The following ANKRD12 variants were observed in gnomAD, a reference collection of about 807,000 sequenced individuals.
ANKRD12 encodes ankyrin repeat domain-containing protein 12.
Under a neutral mutation model 183.4 loss-of-function variants are expected in ANKRD12, and 85 were observed. The observed-to-expected ratio is 0.46, with a 90% CI of 0.39 to 0.56. The LOEUF is 0.56. ANKRD12 is among the 20% of genes least tolerant of loss of function. The pLI, the probability that ANKRD12 is intolerant of heterozygous loss-of-function variation, is 0.00. For missense variants in ANKRD12, 2,405 were observed against 2,357.1 expected, an observed-to-expected ratio of 1.02 and a Z score of -0.42; for synonymous variants, 914 against 800.2, an observed-to-expected ratio of 1.14 and a Z score of -2.40.
chr18:9,149,876 A>G (rs1017531647), intron 1 of ANKRD12, among the ~76,000 whole-genome samples: 1 of 151,050 alleles, frequency 6.6e-6, no homozygotes, highest in Admixed American at 6.6e-5. Context: ...ACTCACTGCA[A>G]CCTCCACCTC....
chr18:9,167,729 T>C (rs554194625), intron 1 of ANKRD12, among the ~76,000 whole-genome samples: 25 of 152,298 alleles, frequency 1.6e-4, no homozygotes, highest in African/African-American at 5.8e-4. Flanking sequence ...TGCCTGATTG[T>C]CCTGGCCACA....
At chr18:9,259,576 C>G (rs2145248123) in intron 9 of ANKRD12, 1 of 152,148 alleles carries the variant, frequency 6.6e-6, no homozygotes, top group Non-Finnish European at 1.5e-5. Flanking sequence ...CGGGATATGT[C>G]TAGTTATATT....
intron 8 of ANKRD12, among the ~76,000 whole-genome samples, chr18:9,252,129 C>A (rs989105104): frequency 6.6e-6 from 1 of 152,170 alleles, no homozygotes; most frequent in African/African-American, 2.4e-5. Context: ...CTCACCATAG[C>A]AGTCATCTAC....
intron 2 of ANKRD12, among the ~76,000 whole-genome samples, chr18:9,190,742 G>T (rs545256247): frequency 6.6e-6 from 1 of 152,246 alleles, no homozygotes; most frequent in Admixed American, 6.5e-5. Context: ...GCAATCTTTA[G>T]CATATTTTAG....
intron 7 of ANKRD12, among the ~76,000 whole-genome samples, chr18:9,221,385 T>C (rs977040720): frequency 3.9e-5 from 6 of 152,246 alleles, no homozygotes; most frequent in Middle Eastern, 3.4e-3. Context: ...TCCTGGGCTA[T>C]GGGAAATGGA....
chr18:9,189,048 C>G (rs190124000), intron 2 of ANKRD12, among the ~76,000 whole-genome samples: 406 of 152,194 alleles, frequency 2.7e-3, no homozygotes, highest in Non-Finnish European at 4.6e-3. Context: ...AGCTAGGCCT[C>G]TTGTGCCAGT....
intron 4 of ANKRD12, among the ~76,000 whole-genome samples, chr18:9,205,402 T>C (rs2035430202): frequency 6.6e-6 from 1 of 152,116 alleles, no homozygotes; most frequent in East Asian, 1.9e-4. Context: ...GTAAACCTGT[T>C]TTATACACTT....
At chr18:9,273,082 G>A (rs1191930900) in intron 10 of ANKRD12, among the ~76,000 whole-genome samples, 4 of 152,108 alleles carry the variant, frequency 2.6e-5, no homozygotes, top group African/African-American at 9.7e-5. Context: ...TCCTGGACTC[G>A]CTTTACTTCT....
chr18:9,252,208 A>G (rs189041046), intron 8 of ANKRD12, among the ~76,000 whole-genome samples: 8 of 152,326 alleles, frequency 5.3e-5, no homozygotes, highest in African/African-American at 1.4e-4. Flanking sequence ...AGGTTGATCT[A>G]TGTTCTTGAG....
chr18:9,200,577 A>G (rs932436550), intron 3 of ANKRD12: 1 of 152,184 alleles, frequency 6.6e-6, no homozygotes, highest in Non-Finnish European at 1.5e-5. Flanking sequence ...ACTGTTGAAG[A>G]TTTTGGAATC....
At chr18:9,230,030 G>T (rs1199654825) in intron 8 of ANKRD12, among the ~76,000 whole-genome samples, 1 of 152,088 alleles carries the variant, frequency 6.6e-6, no homozygotes, top group Non-Finnish European at 1.5e-5. Flanking sequence ...TGGAGTAGTT[G>T]CAAGAAGATT....
At chr18:9,170,670 G>A (rs1045312536) in intron 1 of ANKRD12, among the ~76,000 whole-genome samples, 5 of 152,004 alleles carry the variant, frequency 3.3e-5, no homozygotes, top group African/African-American at 1.2e-4. Context: ...CTTGTAGCTC[G>A]GAGTAGTTTG....
intron 1 of ANKRD12, among the ~76,000 whole-genome samples, chr18:9,170,215 A>G (rs899605041): frequency 6.6e-6 from 1 of 152,070 alleles, no homozygotes; most frequent in Non-Finnish European, 1.5e-5. Context: ...CTCGAGGAGT[A>G]TCTTTGTGGC....
intron 9 of ANKRD12, among the ~76,000 whole-genome samples, chr18:9,260,995 C>T (rs1023072134): frequency 1.3e-5 from 2 of 152,140 alleles, no homozygotes; most frequent in East Asian, 1.9e-4. Flanking sequence ...ACCACCCTCC[C>T]GTTCTCACAC....
At chr18:9,177,299 C>A (rs11660889) in intron 1 of ANKRD12, among the ~76,000 whole-genome samples, 1 of 152,090 alleles carries the variant, frequency 6.6e-6, no homozygotes, top group African/African-American at 2.4e-5. Flanking sequence ...GTGGCCGTAC[C>A]GCTATGCATC....
chr18:9,162,711 G>A (rs752734228), intron 1 of ANKRD12, among the ~76,000 whole-genome samples: 14 of 152,028 alleles, frequency 9.2e-5, no homozygotes, highest in African/African-American at 1.7e-4. Context: ...CCTCGCCAGC[G>A]TCTGTTTCTG....
At chr18:9,212,692 C>T (rs1027748291) in intron 6 of ANKRD12, among the ~76,000 whole-genome samples, 1 of 151,576 alleles carries the variant, frequency 6.6e-6, no homozygotes, top group Non-Finnish European at 1.5e-5. Flanking sequence ...ATTGCCCCCC[C>T]CAAAATTCTG....
chr18:9,174,764 A>G (rs576866360), intron 1 of ANKRD12, among the ~76,000 whole-genome samples: 52 of 152,104 alleles, frequency 3.4e-4, no homozygotes, highest in Non-Finnish European at 7.2e-4. Context: ...ATTCTTCTCT[A>G]TGAGAGCCAT....
chr18:9,146,325 A>C (rs1245755498), intron 1 of ANKRD12, among the ~76,000 whole-genome samples: 1 of 152,054 alleles, frequency 6.6e-6, no homozygotes, highest in Non-Finnish European at 1.5e-5. Context: ...CTACTCCAGG[A>C]GGTTGAGGTG....
Sources: gnomAD v4.1 joint callset for allele counts (sites outside exome capture counted in the v4.1 genomes callset) on GRCh38, gnomAD v4.1.1 for gene constraint, MANE v1.5 for transcripts, NCBI Gene and HGNC (gene_info 2026-07-23, HGNC 2026-07-21) for gene names.